The following SEMA4G variants were observed in gnomAD, a reference collection of about 807,000 sequenced individuals.
SEMA4G encodes the protein semaphorin 4G, also known as semaphorin-4G.
A neutral mutation model predicts 81.2 loss-of-function variants in SEMA4G; 59 were observed. That is an observed-to-expected ratio of 0.73 (90% confidence interval 0.59 to 0.90). The LOEUF (loss-of-function observed/expected upper bound fraction) is 0.90, where lower values mean the gene tolerates loss of function less well. SEMA4G is among the 40% of genes least tolerant of loss of function. SEMA4G has a pLI of 0.00. For synonymous variants in SEMA4G, 404 were observed against 433.9 expected (o/e 0.93, Z 0.86); for missense variants, 952 against 1,102.3 (o/e 0.86, Z 1.93).
intron 4 of SEMA4G, 79 bp from the exon 6 acceptor site, chr10:100,978,216 G>A (rs947604126): frequency 2.9e-6 from 3 of 1,028,436 alleles, no homozygotes; most frequent in Admixed American, 4.0e-5. Context: ...GCTGATCCCT[G>A]ACCCCAGACT....
upstream of SEMA4G, among the ~76,000 whole-genome samples, chr10:100,972,333 A>G (rs1437413026): frequency 6.6e-6 from 1 of 151,868 alleles, no homozygotes; most frequent in Non-Finnish European, 1.5e-5. Flanking sequence ...AGGGTCTTGT[A>G]AGGAAGGTAA....
rs1850985709 is a variant in SEMA4G, at chr10:100,980,012, G to A, written c.1128+20G>A. 1 of 1,613,924 alleles carries A rather than the reference G, an allele frequency of 6.2e-7. No homozygotes were observed. The highest frequency in any genetic ancestry group is 8.5e-7 in the Non-Finnish European group (1 of 1,179,976). On this transcript the variant is annotated intron_variant, in intron 9 of 13. Transcript: ENST00000370250. ...GGCTCGGTGAGTGCCCAGGCCTGGGGCCAGTGCTGAGTAGACAGAGCCCAG... is the reference window on the plus strand; with the variant it reads ...GGCTCGGTGAGTGCCCAGGCCTGGGACCAGTGCTGAGTAGACAGAGCCCAG...
chr10:100,982,705 T>C (rs1851159996), intron 13 of SEMA4G, among the ~76,000 whole-genome samples: 1 of 152,080 alleles, frequency 6.6e-6, no homozygotes, highest in South Asian at 2.1e-4. Flanking sequence ...GGCAAGATAA[T>C]CGCGTGAACC....
chr10:100,973,689 A>G lies in SEMA4G; in HGVS notation c.336+80A>G. The G allele has an allele frequency of 7.6e-7, 1 of 1,315,840 alleles. No individual in the cohort carries two copies. The highest frequency in any genetic ancestry group is 2.4e-5 in the East Asian group (1 of 41,760). The allele number at this position is 1,315,840 out of a possible 1,614,324, so 81.5% of individuals were successfully genotyped here. The stretch of plus-strand genomic sequence containing the variant: ...GATGCCAGGATTGTTGGGGACACAG[A>G]TGGGTAGGTACAGACCTGCCAGTCA... On this transcript the variant is annotated intron_variant, in intron 3 of 13. Transcript: ENST00000370250. This position sits in a 1 kb window ranked among gnomAD's most constrained non-coding sequence, Gnocchi z 5.5.
At chr10:100,980,054 C>A in intron 9 of SEMA4G, 62 bp downstream of exon 10, 1 of 1,613,658 alleles carries the variant, frequency 6.2e-7, no homozygotes, top group Non-Finnish European at 8.5e-7. Context: ...GTCAAAGGGT[C>A]TGGCCTTGTG....
chr10:100,981,117 G>A (rs1851048711), intron 12 of SEMA4G, 51 bp from the exon 14 acceptor site: 1 of 1,611,882 alleles, frequency 6.2e-7, no homozygotes, highest in Non-Finnish European at 8.5e-7. Flanking sequence ...CTTTCACTGG[G>A]AAACTGAAAC....
exon 14 of SEMA4G, chr10:100,984,541 C>T: frequency 1.3e-6 from 2 of 1,536,192 alleles, no homozygotes; most frequent in Non-Finnish European, 1.7e-6. Context: ...TCTGCATGGC[C>T]CTGTGTGCTG....
At position 100,973,193 on chromosome 10, in the gene SEMA4G, G is replaced by C. The variant is rs756103359; in HGVS notation, c.189G>C (p.Glu63Asp). The C allele has an allele frequency of 6.2e-7, 1 of 1,613,822 alleles. No homozygotes were observed. Among genetic ancestry groups the C allele is most frequent in the Non-Finnish European group, 8.5e-7 (1 of 1,180,024 alleles). The change falls in exon 2 of 14, where the codon GAG (glutamate) becomes GAC (aspartate). Residue 63 changes from glutamate to aspartate, a missense_variant. Coordinates refer to ENST00000370250, the Ensembl canonical transcript of SEMA4G. The surrounding 1 kb of genome is among the most constrained non-coding windows in gnomAD (Gnocchi z 5.5). ...ACTACTCAACACTGCTGCTGGAGGA[G>C]GCCTCAGCAAGGCTGCTGGTGGGAG...
chr10:100,984,411 C>A, exon 14 of SEMA4G: 1 of 1,467,482 alleles, frequency 6.8e-7, no homozygotes, highest in Non-Finnish European at 9.0e-7. Context: ...AGTTCCTATC[C>A]CCTAACCTAA....
exon 14 of SEMA4G, chr10:100,983,770 G>T (rs531476226): frequency 1.9e-6 from 3 of 1,609,792 alleles, no homozygotes; most frequent in East Asian, 4.5e-5. Flanking sequence ...CGGGCCAGCC[G>T]GGCAGGAGGA....
exon 14 of SEMA4G, chr10:100,984,056 C>T (rs141726768): frequency 2.0e-5 from 33 of 1,613,572 alleles, no homozygotes; most frequent in African/African-American, 6.7e-5. Context: ...GCTCCTTCGC[C>T]GAGGAACTCA....
In SEMA4G at chr10:100,973,612, A is replaced by T. The variant is rs1478392472; in HGVS notation, c.336+3A>T. ...ATCAAAAAGGGAAAAACAACCAGGT[A>T]TGTGGTCTGCCCTGTCCCCAGCTCC... On this transcript the variant is annotated splice_donor_region_variant and intron_variant, in intron 3 of 13. Transcript: ENST00000370250. The surrounding 1 kb of genome is among the most constrained non-coding windows in gnomAD (Gnocchi z 5.5). 6.2e-7 allele frequency: 1 copy of T among 1,613,868 alleles called. No homozygotes were observed. The highest frequency in any genetic ancestry group is 1.7e-5 in the Admixed American group (1 of 59,996).
upstream of SEMA4G, among the ~76,000 whole-genome samples, chr10:100,972,024 T>C (rs961510268): frequency 6.6e-6 from 1 of 152,022 alleles, no homozygotes; most frequent in Non-Finnish European, 1.5e-5. Context: ...TGGAGAGGAA[T>C]ACCAAGAAGT....
At chr10:100,982,771 G>A (rs903137603) in intron 13 of SEMA4G, among the ~76,000 whole-genome samples, 4 of 152,166 alleles carry the variant, frequency 2.6e-5, no homozygotes, top group Non-Finnish European at 5.9e-5. Context: ...CAGCCTAGGC[G>A]ACAGAATGAG....
At chr10:100,981,551 AAG>A in intron 13 of SEMA4G, 1 of 1,613,866 alleles carries the variant, frequency 6.2e-7, no homozygotes, top group Non-Finnish European at 8.5e-7. Flanking sequence ...TATCTGAAGA[AAG>A]AACAAAAGTT....
chr10:100,976,416 T>C (rs1850788565), intron 3 of SEMA4G, among the ~76,000 whole-genome samples: 1 of 152,186 alleles, frequency 6.6e-6, no homozygotes, highest in Admixed American at 6.5e-5. Context: ...TGGAGTGCAG[T>C]GGTTCACTGC....
exon 14 of SEMA4G, chr10:100,984,475 TTC>T: frequency 6.5e-7 from 1 of 1,530,310 alleles, no homozygotes; most frequent in Non-Finnish European, 8.7e-7. Context: ...CCCAAACCCT[TTC>T]TCTTTCTCCC....
chr10:100,983,617 A>G (rs1031887205), exon 14 of SEMA4G: 6 of 1,614,110 alleles, frequency 3.7e-6, no homozygotes, highest in South Asian at 3.3e-5. Context: ...CCTGGGGCAC[A>G]GCTGGCACCT....
intron 8 of SEMA4G, 95 bp from the exon 10 acceptor site, chr10:100,979,753 T>A: frequency 7.0e-7 from 1 of 1,435,086 alleles, no homozygotes; most frequent in Admixed American, 1.8e-5. Flanking sequence ...TAGCTGGGGT[T>A]GGCCAGGGTA....
Sources: allele counts gnomAD v4.1 joint callset (sites outside exome capture counted in the v4.1 genomes callset), GRCh38; gene constraint gnomAD v4.1.1; non-coding constraint Gnocchi (gnomAD v3.1); transcripts MANE v1.5; gene names NCBI Gene and HGNC (gene_info 2026-07-23, HGNC 2026-07-21).